Variants in ADAMTS6 observed in about 807,000 individuals in gnomAD.
ADAMTS6 encodes the protein ADAM metallopeptidase with thrombospondin type 1 motif 6, also known as A disintegrin and metalloproteinase with thrombospondin motifs 6.
ADAMTS6 carries 23 observed loss-of-function variants against 144.3 expected under a neutral mutation model. The observed-to-expected ratio is 0.16, with a 90% CI of 0.11 to 0.23. The LOEUF (loss-of-function observed/expected upper bound fraction) is 0.23, where lower values mean the gene tolerates loss of function less well. ADAMTS6 is among the 10% of genes least tolerant of loss of function. The pLI is 1.00. For missense variants in ADAMTS6, 999 were observed against 1,379.6 expected (o/e 0.72, Z 4.37); for synonymous variants, 444 against 457.5 (o/e 0.97, Z 0.38).
At chr5:65,237,419 G>GAAAATAAAAA (rs1758758570) in intron 15 of ADAMTS6, among the ~76,000 whole-genome samples, 1 of 139,058 alleles carries the variant, frequency 7.2e-6, no homozygotes, top group African/African-American at 2.7e-5. Context: ...AACTCCACAA[G>GAAAATAAAAA]AAAATAAAAT....
At chr5:65,379,274 A>G (rs16893745) in intron 7 of ADAMTS6, among the ~76,000 whole-genome samples, 4,786 of 152,260 alleles carry the variant, frequency 0.031, 260 homozygotes, top group African/African-American at 0.11. Context: ...GGTGAATCCA[A>G]GTCTTTAACC....
At chr5:65,229,166 T>A (rs1414112210) in intron 15 of ADAMTS6, among the ~76,000 whole-genome samples, 1 of 152,146 alleles carries the variant, frequency 6.6e-6, no homozygotes, top group Non-Finnish European at 1.5e-5. Flanking sequence ...AACAGGCAGC[T>A]CTCAGCACCT....
At chr5:65,458,720 A>G (rs900989338) in intron 4 of ADAMTS6, among the ~76,000 whole-genome samples, 4 of 151,948 alleles carry the variant, frequency 2.6e-5, no homozygotes, top group African/African-American at 7.3e-5. Flanking sequence ...AACCCTTTCT[A>G]TTTTTCACTA....
intron 14 of ADAMTS6, among the ~76,000 whole-genome samples, chr5:65,252,449 G>A (rs1760259940): frequency 6.6e-6 from 1 of 151,760 alleles, no homozygotes; most frequent in African/African-American, 2.4e-5. Context: ...CACCATCTTG[G>A]CCAGGCTGGT....
intron 7 of ADAMTS6, among the ~76,000 whole-genome samples, chr5:65,448,595 G>T (rs1758464515): frequency 6.6e-6 from 1 of 152,110 alleles, no homozygotes; most frequent in Admixed American, 6.6e-5. Context: ...TGGGACTACA[G>T]GCGCCCGCAA....
At chr5:65,237,121 T>C (rs1195095827) in intron 15 of ADAMTS6, among the ~76,000 whole-genome samples, 1 of 152,060 alleles carries the variant, frequency 6.6e-6, no homozygotes, top group Non-Finnish European at 1.5e-5. Context: ...AGGCCAGGCA[T>C]GGTGGCTCAC....
intron 12 of ADAMTS6, among the ~76,000 whole-genome samples, chr5:65,268,729 C>A (rs1761828616): frequency 1.3e-5 from 2 of 152,120 alleles, no homozygotes; most frequent in Admixed American, 6.5e-5. Context: ...AATTTTTTGG[C>A]CATATTTCTT....
At chr5:65,264,915 T>C (rs1377424845) in intron 12 of ADAMTS6, among the ~76,000 whole-genome samples, 1 of 152,128 alleles carries the variant, frequency 6.6e-6, no homozygotes, top group Non-Finnish European at 1.5e-5. Flanking sequence ...GTAGTTAAAT[T>C]AAGGAATTGT....
intron 3 of ADAMTS6, among the ~76,000 whole-genome samples, chr5:65,467,022 C>T (rs1478163903): frequency 1.4e-5 from 2 of 141,238 alleles, no homozygotes; most frequent in African/African-American, 5.5e-5. Context: ...GCCTGGGCGA[C>T]AGAGCAGACT....
At chr5:65,306,255 G>C (rs757638654) in intron 9 of ADAMTS6, among the ~76,000 whole-genome samples, 2 of 152,188 alleles carry the variant, frequency 1.3e-5, no homozygotes, top group African/African-American at 2.4e-5. Flanking sequence ...AGACTATTAA[G>C]AAGACATGAA....
intron 15 of ADAMTS6, among the ~76,000 whole-genome samples, chr5:65,234,816 T>C (rs1296706464): frequency 2.6e-5 from 4 of 152,192 alleles, no homozygotes; most frequent in East Asian, 1.9e-4. Context: ...CCCATGTTCA[T>C]TGAAGCATTA....
At chr5:65,411,835 A>G (rs1755080913) in intron 7 of ADAMTS6, among the ~76,000 whole-genome samples, 1 of 152,210 alleles carries the variant, frequency 6.6e-6, no homozygotes, top group Admixed American at 6.5e-5. Flanking sequence ...CTAAACTTCT[A>G]GAGTGCTCTT....
chr5:65,220,573 C>T (rs1334274131), intron 18 of ADAMTS6, among the ~76,000 whole-genome samples: 6 of 152,026 alleles, frequency 3.9e-5, no homozygotes, highest in East Asian at 1.9e-4. Flanking sequence ...GGTGAAACCC[C>T]GTTTCTACTA....
At chr5:65,158,630 TC>T (rs1752567633) in intron 24 of ADAMTS6, among the ~76,000 whole-genome samples, 2 of 152,224 alleles carry the variant, frequency 1.3e-5, no homozygotes, top group Non-Finnish European at 2.9e-5. Flanking sequence ...AAAAAATTAC[TC>T]TGAGTAGTAT....
At chr5:65,298,240 C>T (rs894937414) in intron 10 of ADAMTS6, among the ~76,000 whole-genome samples, 8 of 151,974 alleles carry the variant, frequency 5.3e-5, no homozygotes, top group Admixed American at 3.9e-4. Flanking sequence ...AGCAAATGAG[C>T]TGTGCAATAT....
At chr5:65,253,125 C>T (rs931965094) in intron 14 of ADAMTS6, among the ~76,000 whole-genome samples, 20 of 151,870 alleles carry the variant, frequency 1.3e-4, no homozygotes, top group Non-Finnish European at 2.1e-4. Context: ...CGGGCTCAAG[C>T]GATCCACCCG....
At chr5:65,343,113 A>G (rs1233568907) in intron 7 of ADAMTS6, among the ~76,000 whole-genome samples, 1 of 152,110 alleles carries the variant, frequency 6.6e-6, no homozygotes, top group African/African-American at 2.4e-5. Context: ...TGTTAAAATG[A>G]CCATACTACC....
At chr5:65,182,310 G>A (rs1202541511) in intron 22 of ADAMTS6, among the ~76,000 whole-genome samples, 2 of 151,906 alleles carry the variant, frequency 1.3e-5, no homozygotes, top group Non-Finnish European at 2.9e-5. Context: ...AATTAGCCAG[G>A]TGTGGTGGCA....
chr5:65,160,467 C>T (rs1454180760), intron 24 of ADAMTS6, among the ~76,000 whole-genome samples: 2 of 151,852 alleles, frequency 1.3e-5, no homozygotes, highest in Non-Finnish European at 2.9e-5. Flanking sequence ...CCACCACGCC[C>T]GGCTAATTTT....
Sources: allele counts gnomAD v4.1 joint callset (sites outside exome capture counted in the v4.1 genomes callset), GRCh38; gene constraint gnomAD v4.1.1; transcripts MANE v1.5; gene names NCBI Gene and HGNC (gene_info 2026-07-23, HGNC 2026-07-21).